Variants in HADHA observed in about 807,000 individuals in gnomAD.
HADHA encodes the protein hydroxyacyl-CoA dehydrogenase trifunctional multienzyme complex subunit alpha, also known as trifunctional enzyme subunit alpha, mitochondrial.
A neutral mutation model predicts 91.3 loss-of-function variants in HADHA; 59 were observed. The ratio of observed to expected loss-of-function variants is 0.65; its 90% CI spans 0.52 to 0.80. The LOEUF (loss-of-function observed/expected upper bound fraction) is 0.80, where lower values mean the gene tolerates loss of function less well. Ranked by LOEUF, HADHA falls within the 30% of genes least tolerant of loss-of-function variation. The probability of loss-of-function intolerance (pLI) is 0.00; values close to 1 mark genes in which losing one functional copy is unlikely to be tolerated. For missense variants in HADHA, 800 were observed against 927.6 expected (o/e 0.86, Z 1.79); for synonymous variants, 320 against 338.9 (o/e 0.94, Z 0.61).
rs146788340 is a variant in HADHA at position 26,211,708 on chromosome 2, C to T, written c.975+862G>A. On this transcript the variant is annotated intron_variant, in intron 10 of 19. Coordinates refer to ENST00000380649, the MANE Select transcript of HADHA (RefSeq NM_000182.5). ...ACTTTATAAAAGAGCAACCATTCTT[C>T]GATGATCGTTTAAAACTTAAAAACA... Among the ~76,000 whole-genome samples the T allele has an allele frequency of 3.3e-5, 5 of 152,266 alleles. No individual in the cohort carries two copies. The South Asian group carries it at 6.2e-4, about 19-fold the overall frequency.
intron 6 of HADHA, 46 bp downstream of exon 6, chr2:26,232,114 G>C (rs756481587): frequency 6.9e-7 from 1 of 1,451,528 alleles, no homozygotes; most frequent in Admixed American, 1.7e-5. Context: ...CAAGAAAACA[G>C]ATCTAAAGAG....
At position 26,221,946 on chromosome 2, in the gene HADHA, T is replaced by C. The variant is rs1425723411; in HGVS notation, c.677-6771A>G. ...CGTGGCAAACGGTTTGCCTGGGTGG[T>C]AAGGAACTTACAGGGAACACAGATG... is the stretch of plus-strand genomic sequence containing the variant. On this transcript the variant is annotated intron_variant, in intron 7 of 19. Transcript: ENST00000380649. The surrounding 1 kb of genome is among the most constrained non-coding windows in gnomAD (Gnocchi z 4.8). Among the ~76,000 whole-genome samples, 1 of 152,172 alleles carries C rather than the reference T, an allele frequency of 6.6e-6. No homozygotes were observed. The highest frequency in any genetic ancestry group is 1.5e-5 in the Non-Finnish European group (1 of 68,018).
intron 13 of HADHA, among the ~76,000 whole-genome samples, chr2:26,200,011 G>A (rs1669788802): frequency 6.6e-6 from 1 of 152,208 alleles, no homozygotes; most frequent in South Asian, 2.1e-4. Flanking sequence ...CACAGCAGTA[G>A]AACACGGAGA....
Position 26,230,184 on chromosome 2 carries a change from A to T in HADHA, c.676+8T>A. ...TAAGGTCTGACTCTGAGATGTGCTAACACTTACCCAGGGGTTCCACCAGTT... is the reference window on the plus strand; with the variant it reads ...TAAGGTCTGACTCTGAGATGTGCTATCACTTACCCAGGGGTTCCACCAGTT... On this transcript the variant is annotated splice_region_variant and intron_variant, in intron 7 of 19. Transcript: ENST00000380649. 6.5e-7 allele frequency: 1 copy of T among 1,537,404 alleles called. No homozygotes were observed. Among genetic ancestry groups the T allele is most frequent in the Non-Finnish European group, 9.0e-7 (1 of 1,110,004 alleles).
intron 7 of HADHA, among the ~76,000 whole-genome samples, chr2:26,219,362 G>A (rs1670315179): frequency 6.6e-6 from 1 of 152,076 alleles, no homozygotes; most frequent in Non-Finnish European, 1.5e-5. Context: ...TCCTGACCTC[G>A]TGATTTGTCC....
chr2:26,206,351 C>A (rs1669971550), intron 11 of HADHA, among the ~76,000 whole-genome samples: 1 of 151,716 alleles, frequency 6.6e-6, no homozygotes. Flanking sequence ...GTCTCAGACT[C>A]CCGAGGAGCT....
intron 11 of HADHA, among the ~76,000 whole-genome samples, chr2:26,207,745 T>TTGTC (rs778957492): frequency 3.3e-5 from 5 of 152,232 alleles, no homozygotes; most frequent in African/African-American, 4.8e-5. Context: ...ACATGGTACC[T>TTGTC]TGTCTGTATA....
At chr2:26,192,269 GA>G in intron 18 of HADHA, 40 bp downstream of exon 18, 1 of 1,031,480 alleles carries the variant, frequency 9.7e-7, no homozygotes, top group South Asian at 1.3e-5. Context: ...GGCTGTCAGA[GA>G]AAGTCAATTT....
chr2:26,195,778 C>T (rs369974038), intron 14 of HADHA, among the ~76,000 whole-genome samples: 1 of 152,216 alleles, frequency 6.6e-6, no homozygotes, highest in African/African-American at 2.4e-5. Flanking sequence ...CCAACAAGCA[C>T]TGTCATCACC....
chr2:26,226,448 A>G (rs1472183660), intron 7 of HADHA, among the ~76,000 whole-genome samples: 1 of 152,208 alleles, frequency 6.6e-6, no homozygotes, highest in African/African-American at 2.4e-5. Flanking sequence ...ACAATAATCA[A>G]GACAGTGTGG....
At position 26,221,796 on chromosome 2, in the gene HADHA, T is replaced by C. The variant is rs563627170; in HGVS notation, c.677-6621A>G. 6.6e-6 allele frequency among the ~76,000 whole-genome samples: 1 copy of C among 152,340 alleles called. No homozygotes were observed. Among genetic ancestry groups the C allele is most frequent in the African/African-American group, 2.4e-5 (1 of 41,582 alleles). ...TAACACTACAGTCCCTTCTGGGACA[T>C]CCCTTAAGGACAGTGGTGAAGGGAT... On this transcript the variant is annotated intron_variant, in intron 7 of 19. Transcript: ENST00000380649. The surrounding 1 kb of genome is among the most constrained non-coding windows in gnomAD (Gnocchi z 4.8).
intron 5 of HADHA, among the ~76,000 whole-genome samples, chr2:26,233,227 C>T (rs1670667983): frequency 6.6e-6 from 1 of 152,268 alleles, no homozygotes; most frequent in Admixed American, 6.5e-5. Context: ...GGACCCCTGT[C>T]CTAAGGGGCT....
At chr2:26,195,349 C>A in intron 14 of HADHA, 117 bp from the exon 15 acceptor site, 1 of 885,060 alleles carries the variant, frequency 1.1e-6, no homozygotes, top group African/African-American at 1.6e-5. Context: ...AGGAATACTG[C>A]TTGACATAGC....
At position 26,221,137 on chromosome 2, in the gene HADHA, G is replaced by C. The variant is rs1670366039; in HGVS notation, c.677-5962C>G. Among the ~76,000 whole-genome samples, 1 of 152,108 alleles carries C rather than the reference G, an allele frequency of 6.6e-6. No individual in the cohort carries two copies. Among genetic ancestry groups the C allele is most frequent in the African/African-American group, 2.4e-5 (1 of 41,412 alleles). ...TTGGAGACAACATATTACTCATTTG[G>C]GTTGCTATTCCAGCCCATTTACTGA... On this transcript the variant is annotated intron_variant, in intron 7 of 19. Transcript: ENST00000380649. This position sits in a 1 kb window ranked among gnomAD's most constrained non-coding sequence, Gnocchi z 4.8.
At chr2:26,235,507 T>C (rs1256565624) in intron 4 of HADHA, among the ~76,000 whole-genome samples, 2 of 152,228 alleles carry the variant, frequency 1.3e-5, no homozygotes, top group East Asian at 3.8e-4. Flanking sequence ...CTACATGTAT[T>C]TTCCTCTGGA....
At chr2:26,223,828 C>A (rs1670428082) in intron 7 of HADHA, among the ~76,000 whole-genome samples, 2 of 152,136 alleles carry the variant, frequency 1.3e-5, no homozygotes, top group Admixed American at 1.3e-4. Context: ...CTCACTGCAA[C>A]CTCTGCCTCC....
At chr2:26,230,412 T>C in intron 6 of HADHA, 118 bp from the exon 7 acceptor site, 2 of 742,638 alleles carry the variant, frequency 2.7e-6, no homozygotes, top group Non-Finnish European at 2.4e-6. Flanking sequence ...CATATGTTTA[T>C]GCTATTTGTC....
chr2:26,230,401 C>T lies in HADHA; in HGVS notation c.574-107G>A, dbSNP rs555348602. 59 of 771,862 alleles carry T rather than the reference C, an allele frequency of 7.6e-5. 1 individual carries two copies. The South Asian group carries it at 8.1e-4, about 11-fold the overall frequency. 47.8% of individuals were successfully genotyped at this position (771,862 alleles called of 1,614,324 possible). On this transcript the variant is annotated intron_variant, in intron 6 of 19. Transcript: ENST00000380649. ...AAATATTAAAATGAGAAAAGTCAAGCCATATGTTTATGCTATTTGTCAACA... is the reference window on the plus strand; with the variant it reads ...AAATATTAAAATGAGAAAAGTCAAGTCATATGTTTATGCTATTTGTCAACA...
At position 26,244,538 on chromosome 2, in the gene HADHA, CG is replaced by C; in HGVS notation, c.58del (p.Arg20AlafsTer17). 6.3e-7 allele frequency: 1 copy of C among 1,581,920 alleles called. No homozygotes were observed. The highest frequency in any genetic ancestry group is 8.6e-7 in the Non-Finnish European group (1 of 1,163,446). On this transcript the variant is annotated frameshift_variant, in exon 1 of 20. Transcript: ENST00000380649. LOFTEE classifies it high-confidence loss of function. ...CCTCGGCCAGGCCTCACCTCGGGAG[CG>C]GAGGATCCTGAAGGCAGAAAAGCGG... ...LSRFSAFRIL[R>X]SRGYICRNFT...
Sources: allele counts gnomAD v4.1 joint callset (sites outside exome capture counted in the v4.1 genomes callset), GRCh38; gene constraint gnomAD v4.1.1; non-coding constraint Gnocchi (gnomAD v3.1); transcripts MANE v1.5; gene names NCBI Gene and HGNC (gene_info 2026-07-23, HGNC 2026-07-21).